Variants in CPLX2 observed in about 807,000 individuals in gnomAD.
The protein encoded by CPLX2 is complexin 2.
In CPLX2, 5 loss-of-function variants were observed where a neutral mutation model predicts 16.3. That is an observed-to-expected ratio of 0.31 (90% CI 0.16 to 0.64). CPLX2 has a LOEUF of 0.64. CPLX2 is among the 30% of genes least tolerant of loss of function. The pLI is 0.79. For missense variants in CPLX2, 144 were observed against 181.4 expected (o/e 0.79, Z 1.18); for synonymous variants, 89 against 73.2 (o/e 1.22, Z -1.10).
upstream of CPLX2, among the ~76,000 whole-genome samples, chr5:175,867,162 G>A (rs903279346): frequency 3.3e-5 from 5 of 152,158 alleles, no homozygotes; most frequent in African/African-American, 1.2e-4. Context: ...TAATCAGGGT[G>A]CCTCTAGTGG....
intron 2 of CPLX2, among the ~76,000 whole-genome samples, chr5:175,860,807 G>A (rs1174841740): frequency 6.6e-6 from 1 of 152,122 alleles, no homozygotes; most frequent in Non-Finnish European, 1.5e-5. Flanking sequence ...AGGACATAGA[G>A]TCAACCCCAC....
intron 2 of CPLX2, among the ~76,000 whole-genome samples, chr5:175,842,528 G>A (rs757920657): frequency 2.0e-5 from 3 of 152,266 alleles, no homozygotes; most frequent in Non-Finnish European, 2.9e-5. Context: ...CTTCCTCCTC[G>A]AGTTCACTGG....
intron 2 of CPLX2, among the ~76,000 whole-genome samples, chr5:175,842,894 C>T (rs1758970014): frequency 6.6e-6 from 1 of 152,196 alleles, no homozygotes; most frequent in Non-Finnish European, 1.5e-5. Context: ...AGGGCCGGCA[C>T]CCATGCTCTG....
intron 2 of CPLX2, among the ~76,000 whole-genome samples, chr5:175,844,166 GA>G (rs1331702664): frequency 2.0e-5 from 3 of 152,218 alleles, no homozygotes; most frequent in Admixed American, 6.5e-5. Flanking sequence ...GCCCAGGTGG[GA>G]ATCACCAATG....
intron 2 of CPLX2, among the ~76,000 whole-genome samples, chr5:175,814,959 T>C (rs760592542): frequency 4.6e-5 from 7 of 151,636 alleles, no homozygotes; most frequent in African/African-American, 1.2e-4. Context: ...GCTTCCGAGA[T>C]TGAACGTGAG....
intron 2 of CPLX2, among the ~76,000 whole-genome samples, chr5:175,815,686 G>A (rs995493265): frequency 2.6e-5 from 4 of 152,196 alleles, no homozygotes; most frequent in Non-Finnish European, 5.9e-5. Flanking sequence ...CTACAACTAA[G>A]ATGAGACATC....
intron 2 of CPLX2, among the ~76,000 whole-genome samples, chr5:175,825,310 G>A (rs1337157189): frequency 6.6e-6 from 1 of 151,828 alleles, no homozygotes; most frequent in Non-Finnish European, 1.5e-5. Context: ...AGAATTGCTT[G>A]AACCCAGGAG....
intron 1 of CPLX2, among the ~76,000 whole-genome samples, chr5:175,874,190 G>A (rs144216425): frequency 1.3e-5 from 2 of 152,298 alleles, no homozygotes; most frequent in Admixed American, 6.5e-5. Context: ...AGAGCTGAGG[G>A]AGAGACAGTT....
At chr5:175,811,479 G>A (rs1266042693) in intron 2 of CPLX2, among the ~76,000 whole-genome samples, 1 of 152,206 alleles carries the variant, frequency 6.6e-6, no homozygotes, top group Non-Finnish European at 1.5e-5. Flanking sequence ...ACTAGAGCCT[G>A]GCTCAGAGTG....
upstream of CPLX2, among the ~76,000 whole-genome samples, chr5:175,870,316 G>C (rs1230663464): frequency 6.6e-6 from 1 of 152,144 alleles, no homozygotes; most frequent in Non-Finnish European, 1.5e-5. Context: ...CTGGTGGGGG[G>C]GTCTCCTGCT....
In CPLX2 at chr5:175,882,019, T is replaced by A. The variant is rs1440155414; in HGVS notation, c.*1974T>A. ...ATACTTTAAACACGAGACAAAACAA[T>A]CCATATGTTTAGGGAACCAGAAAAG... On this transcript the variant is annotated 3_prime_UTR_variant, in exon 4 of 4. Coordinates refer to ENST00000393745, the MANE Select transcript of CPLX2 (RefSeq NM_001008220.2). 6.6e-6 allele frequency: 1 copy of A among 152,544 alleles called. No homozygotes were observed. The highest frequency in any genetic ancestry group is 1.5e-5 in the Non-Finnish European group (1 of 68,018). 9.4% of individuals were successfully genotyped at this position (152,544 alleles called of 1,614,324 possible). A position where few individuals can be genotyped will look rare whatever the true frequency, so the allele number is the denominator to read the frequency against.
chr5:175,852,245 A>C (rs1759171372), intron 2 of CPLX2, among the ~76,000 whole-genome samples: 2 of 152,242 alleles, frequency 1.3e-5, no homozygotes, highest in African/African-American at 4.8e-5. Flanking sequence ...AAACTTTACC[A>C]ATGACAAAGT....
At chr5:175,871,440 A>AGAGAGAGAGAGAGAGG (rs1759602039), upstream of CPLX2, 3 of 43,544 alleles carry the variant, frequency 6.9e-5, 1 homozygote, top group Non-Finnish European at 1.4e-4. Flanking sequence ...AGACAGAGAG[A>AGAGAGAGAGAGAGAGG]GAGAGAGAGA....
At position 175,879,868 on chromosome 5, in the gene CPLX2, G is replaced by A. The variant is rs1755526925; in HGVS notation, c.228G>A (p.Glu76=). The A allele has an allele frequency of 6.2e-7, 1 of 1,612,404 alleles. No homozygotes were observed. Among genetic ancestry groups the A allele is most frequent in the Non-Finnish European group, 8.5e-7 (1 of 1,179,166 alleles). ...IRDKYGLKKK[E]EKEAEEKAAL... ...CCCAGTATGGGCTGAAGAAGAAGGA[G>A]GAGAAGGAAGCAGAGGAGAAAGCAG... Residue 76 remains glutamate, a synonymous_variant, in exon 4 of 4, where the codon GAG becomes GAA. Transcript: ENST00000393745.
At chr5:175,812,053 G>A (rs1758321069) in intron 2 of CPLX2, among the ~76,000 whole-genome samples, 1 of 152,212 alleles carries the variant, frequency 6.6e-6, no homozygotes, top group African/African-American at 2.4e-5. Context: ...ACAGATGCTG[G>A]GACCATTGTA....
In CPLX2 at chr5:175,880,084, T is replaced by C; in HGVS notation, c.*39T>C. 6.4e-7 allele frequency: 1 copy of C among 1,567,316 alleles called. No individual in the cohort carries two copies. The highest frequency in any genetic ancestry group is 8.7e-7 in the Non-Finnish European group (1 of 1,152,280). ...CCCAGCCTACTCCACCTGTTACTAC[T>C]TCTTTTTGGTTCTTTCTTTTCTTTT... On this transcript the variant is annotated 3_prime_UTR_variant, in exon 4 of 4. Coordinates refer to ENST00000393745, the MANE Select transcript of CPLX2 (RefSeq NM_001008220.2).
At chr5:175,796,735 C>G (rs909875327) in exon 1 of CPLX2, 4 of 152,354 alleles carry the variant, frequency 2.6e-5, no homozygotes, top group Admixed American at 6.5e-5. Flanking sequence ...GCGCCAGAAC[C>G]TCGGCCCGGG....
chr5:175,805,101 G>A (rs972200162), intron 1 of CPLX2, among the ~76,000 whole-genome samples: 5 of 152,184 alleles, frequency 3.3e-5, no homozygotes, highest in Admixed American at 1.3e-4. Flanking sequence ...TGCTGTGGCC[G>A]CTGCTGGTGG....
chr5:175,873,796 G>A (rs1759693144), intron 1 of CPLX2, among the ~76,000 whole-genome samples: 1 of 152,220 alleles, frequency 6.6e-6, no homozygotes, highest in Non-Finnish European at 1.5e-5. Flanking sequence ...CAAGCCTTGG[G>A]AATAGGTGTT....
Sources: allele counts gnomAD v4.1 joint callset (sites outside exome capture counted in the v4.1 genomes callset), GRCh38; gene constraint gnomAD v4.1.1; transcripts MANE v1.5; gene names NCBI Gene and HGNC (gene_info 2026-07-23, HGNC 2026-07-21).